MAST4: variants seen among roughly 807,000 people sequenced by gnomAD.
MAST4 encodes the protein microtubule-associated serine/threonine-protein kinase 4.
In MAST4, 89 loss-of-function variants were observed where a neutral mutation model predicts 162.7. The ratio of observed to expected loss-of-function variants is 0.55; its 90% CI spans 0.46 to 0.65. The LOEUF (loss-of-function observed/expected upper bound fraction) is 0.65. Ranked by LOEUF, MAST4 falls within the 30% of genes least tolerant of loss-of-function variation. The pLI is 0.00. For missense variants in MAST4, 3,153 were observed against 3,374.0 expected, an observed-to-expected ratio of 0.93 and a Z score of 1.62; for synonymous variants, 1,479 against 1,361.1, an observed-to-expected ratio of 1.09 and a Z score of -1.91.
chr5:67,022,149 TAA>T (rs1316403677), intron 4 of MAST4, among the ~76,000 whole-genome samples: 1 of 152,226 alleles, frequency 6.6e-6, no homozygotes, highest in East Asian at 1.9e-4. Context: ...AATAGACACT[TAA>T]TAAAGGTTTA....
intron 1 of MAST4, among the ~76,000 whole-genome samples, chr5:66,648,596 C>G (rs1021499883): frequency 6.6e-6 from 1 of 151,932 alleles, no homozygotes; most frequent in African/African-American, 2.4e-5. Context: ...AGAAAATGGC[C>G]TTATTAATTT....
intron 4 of MAST4, among the ~76,000 whole-genome samples, chr5:67,033,535 A>G (rs1755642154): frequency 6.6e-6 from 1 of 152,184 alleles, no homozygotes; most frequent in Admixed American, 6.6e-5. Context: ...AAAGTCATAA[A>G]TGAAGCAGCA....
At chr5:66,722,133 C>T (rs527340516) in intron 1 of MAST4, among the ~76,000 whole-genome samples, 1 of 152,124 alleles carries the variant, frequency 6.6e-6, no homozygotes, top group Non-Finnish European at 1.5e-5. Context: ...AGCCAGACCA[C>T]TCTTCTGCTC....
At chr5:66,672,910 C>T (rs1382515486) in intron 1 of MAST4, among the ~76,000 whole-genome samples, 2 of 152,172 alleles carry the variant, frequency 1.3e-5, no homozygotes, top group African/African-American at 2.4e-5. Context: ...TCCCCCAGCC[C>T]TTACATGAGG....
At chr5:66,923,010 G>C (rs1764645111) in intron 4 of MAST4, among the ~76,000 whole-genome samples, 1 of 152,124 alleles carries the variant, frequency 6.6e-6, no homozygotes, top group African/African-American at 2.4e-5. Context: ...GGGACACTGT[G>C]ACTGAACAAA....
intron 10 of MAST4, among the ~76,000 whole-genome samples, chr5:67,105,009 G>A (rs969497669): frequency 6.6e-6 from 1 of 152,222 alleles, no homozygotes; most frequent in Non-Finnish European, 1.5e-5. Flanking sequence ...TGCATGTGGT[G>A]TTGAGTAGTG....
intron 3 of MAST4, chr5:66,870,821 G>A (rs373519899): frequency 1.1e-5 from 5 of 471,322 alleles, no homozygotes; most frequent in South Asian, 4.6e-5. Flanking sequence ...GCCCGACATC[G>A]CCAGAGACTA....
chr5:66,642,659 T>C (rs1184630766), intron 1 of MAST4, among the ~76,000 whole-genome samples: 2 of 152,208 alleles, frequency 1.3e-5, no homozygotes, highest in African/African-American at 4.8e-5. Context: ...CTTTTAAAAG[T>C]GACTCTTATT....
chr5:67,112,690 C>T (rs1205455069), intron 11 of MAST4, among the ~76,000 whole-genome samples: 2 of 152,188 alleles, frequency 1.3e-5, no homozygotes, highest in Non-Finnish European at 2.9e-5. Context: ...TCCCTGGCTG[C>T]ACTGCCTTCC....
At chr5:67,142,665 G>A in intron 21 of MAST4, 132 bp downstream of exon 21, 1 of 642,532 alleles carries the variant, frequency 1.6e-6, no homozygotes. Flanking sequence ...ACTTCCTTTT[G>A]TTGAAGAAAA....
At chr5:67,033,336 T>TGTGTGG (rs2150444602) in intron 4 of MAST4, among the ~76,000 whole-genome samples, 1 of 132,280 alleles carries the variant, frequency 7.6e-6, no homozygotes, top group Non-Finnish European at 1.6e-5. Flanking sequence ...TGTGTGTGTG[T>TGTGTGG]GTGTGTGTGG....
At chr5:66,845,931 G>T (rs1457168940) in intron 3 of MAST4, among the ~76,000 whole-genome samples, 1 of 152,140 alleles carries the variant, frequency 6.6e-6, no homozygotes, top group African/African-American at 2.4e-5. Context: ...TCCTATGAAA[G>T]AATTATAAAC....
At chr5:66,863,547 T>G (rs763360613) in intron 3 of MAST4, among the ~76,000 whole-genome samples, 1 of 152,076 alleles carries the variant, frequency 6.6e-6, no homozygotes, top group Non-Finnish European at 1.5e-5. Context: ...CCTCTTTCCC[T>G]TTTTCTTTTC....
chr5:66,639,238 G>A (rs957625210), intron 1 of MAST4, among the ~76,000 whole-genome samples: 1 of 149,322 alleles, frequency 6.7e-6, no homozygotes, highest in African/African-American at 2.5e-5. Flanking sequence ...GTATTTCAAG[G>A]AGGAAGTGGT....
At chr5:67,074,393 G>A (rs1188367697) in intron 5 of MAST4, among the ~76,000 whole-genome samples, 1 of 152,018 alleles carries the variant, frequency 6.6e-6, no homozygotes, top group African/African-American at 2.4e-5. Flanking sequence ...TTTATGTCAA[G>A]AGCCCTAAAA....
At chr5:67,145,604 T>G (rs1770989191) in intron 23 of MAST4, among the ~76,000 whole-genome samples, 1 of 152,218 alleles carries the variant, frequency 6.6e-6, no homozygotes, top group Non-Finnish European at 1.5e-5. Context: ...CTGTTATTGC[T>G]TCCGTTTGAC....
chr5:67,114,266 C>A, intron 12 of MAST4, 47 bp downstream of exon 12: 1 of 1,573,982 alleles, frequency 6.4e-7, no homozygotes. Context: ...TATGCACTGT[C>A]GCCTCATAGA....
chr5:67,064,561 ATTTTGAAAGTAG>A (rs990902853), intron 5 of MAST4, among the ~76,000 whole-genome samples: 11 of 152,218 alleles, frequency 7.2e-5, no homozygotes, highest in Admixed American at 3.9e-4. Flanking sequence ...TAATTACTTT[ATTTTGAAAGTAG>A]TTTTAGCAAA....
chr5:67,012,393 C>T (rs1752795976), intron 4 of MAST4, among the ~76,000 whole-genome samples: 1 of 152,074 alleles, frequency 6.6e-6, no homozygotes, highest in African/African-American at 2.4e-5. Flanking sequence ...GGCCCTGGAC[C>T]CCAGCCTCAC....
Sources: allele counts gnomAD v4.1 joint callset (sites outside exome capture counted in the v4.1 genomes callset), GRCh38; gene constraint gnomAD v4.1.1; transcripts MANE v1.5; gene names NCBI Gene and HGNC (gene_info 2026-07-23, HGNC 2026-07-21).